Variants in GRID1 observed in about 807,000 individuals in gnomAD.
The protein encoded by GRID1 is glutamate receptor ionotropic, delta-1.
A neutral mutation model predicts 98.0 loss-of-function variants in GRID1; 28 were observed. That is an observed-to-expected ratio of 0.29 (90% CI 0.21 to 0.39). The LOEUF (loss-of-function observed/expected upper bound fraction) is 0.39. Among genes scored for constraint, GRID1 ranks in the 10% least tolerant of loss-of-function variants. The pLI is 1.00. For synonymous variants in GRID1, 553 were observed against 538.5 expected, an observed-to-expected ratio of 1.03 and a Z score of -0.37; for missense variants, 1,111 against 1,340.5, an observed-to-expected ratio of 0.83 and a Z score of 2.67.
intron 8 of GRID1, among the ~76,000 whole-genome samples, chr10:85,839,983 G>T (rs1321261283): frequency 6.6e-6 from 1 of 152,064 alleles, no homozygotes; most frequent in African/African-American, 2.4e-5. Flanking sequence ...ATATTTCTAG[G>T]CATATAAGCT....
At chr10:86,132,099 GT>G in intron 4 of GRID1, among the ~76,000 whole-genome samples, 1 of 152,316 alleles carries the variant, frequency 6.6e-6, no homozygotes, top group African/African-American at 2.4e-5. Flanking sequence ...TGACAGTGCT[GT>G]CATGGAGAGG....
intron 4 of GRID1, among the ~76,000 whole-genome samples, chr10:86,050,356 A>G (rs967764741): frequency 8.5e-5 from 13 of 152,246 alleles, no homozygotes; most frequent in African/African-American, 3.1e-4. Context: ...ATAATTTTAC[A>G]CATTTTAAAC....
intron 2 of GRID1, among the ~76,000 whole-genome samples, chr10:86,272,660 A>G (rs1847202818): frequency 6.6e-6 from 1 of 152,242 alleles, no homozygotes. Flanking sequence ...ATTGCAAAGC[A>G]AACTAACAAC....
chr10:86,316,365 GCAGCCCTGACTTGCAAGGGAACC>G (rs1847898457), intron 2 of GRID1, among the ~76,000 whole-genome samples: 1 of 152,286 alleles, frequency 6.6e-6, no homozygotes, highest in African/African-American at 2.4e-5. Flanking sequence ...CAGGGGCTTT[GCAGCCCTGACTTGCAAGGGAACC>G]CAGTCTAAGC....
chr10:85,902,533 T>A (rs2131816517), intron 5 of GRID1, among the ~76,000 whole-genome samples: 1 of 152,330 alleles, frequency 6.6e-6, no homozygotes, highest in Non-Finnish European at 1.5e-5. Context: ...ACAAACTATA[T>A]TACTGTTTCT....
At chr10:85,977,683 G>A (rs945967317) in intron 4 of GRID1, among the ~76,000 whole-genome samples, 3 of 152,164 alleles carry the variant, frequency 2.0e-5, no homozygotes, top group African/African-American at 7.2e-5. Context: ...CAGACACAAC[G>A]CAGTGGGCTG....
chr10:85,995,861 C>T (rs1042537331), intron 4 of GRID1, among the ~76,000 whole-genome samples: 3 of 152,286 alleles, frequency 2.0e-5, no homozygotes, highest in East Asian at 3.9e-4. Context: ...CTCTAACAAG[C>T]GGTTTATGAA....
chr10:85,637,482 C>G (rs1180315475), intron 13 of GRID1, among the ~76,000 whole-genome samples: 1 of 152,164 alleles, frequency 6.6e-6, no homozygotes, highest in Non-Finnish European at 1.5e-5. Flanking sequence ...AGCCCAAGAC[C>G]ATGGGAGGCA....
chr10:85,880,183 C>T (rs1840984647), intron 5 of GRID1, among the ~76,000 whole-genome samples: 2 of 152,132 alleles, frequency 1.3e-5, no homozygotes, highest in South Asian at 4.1e-4. Context: ...AGCCGAATTC[C>T]ACCACAGGTA....
chr10:86,199,428 A>T (rs1048952708), intron 3 of GRID1, among the ~76,000 whole-genome samples: 1 of 152,180 alleles, frequency 6.6e-6, no homozygotes, highest in African/African-American at 2.4e-5. Flanking sequence ...ATCTTTGTAC[A>T]TCAAGCAAAG....
At chr10:85,697,581 T>C (rs1179669193) in intron 12 of GRID1, among the ~76,000 whole-genome samples, 1 of 152,190 alleles carries the variant, frequency 6.6e-6, no homozygotes, top group Non-Finnish European at 1.5e-5. Flanking sequence ...TGTTCCTTTA[T>C]CATAACAGGG....
At chr10:85,845,581 C>T (rs1469311884) in intron 8 of GRID1, among the ~76,000 whole-genome samples, 2 of 152,122 alleles carry the variant, frequency 1.3e-5, no homozygotes, top group African/African-American at 4.8e-5. Flanking sequence ...TACAAAGAGT[C>T]AAGAATCACC....
In GRID1 at chr10:86,206,847, A is replaced by G. The variant is rs1846033407; in HGVS notation, c.236-199T>C. 6.6e-6 allele frequency among the ~76,000 whole-genome samples: 1 copy of G among 152,224 alleles called. No individual in the cohort carries two copies. Among genetic ancestry groups the G allele is most frequent in the Non-Finnish European group, 1.5e-5 (1 of 68,036 alleles). On this transcript the variant is annotated intron_variant, in intron 2 of 15. Transcript: ENST00000327946. This position sits in a 1 kb window ranked among gnomAD's most constrained non-coding sequence, Gnocchi z 4.1. ...CACTGACATCCTTGGTGAAAATGCC[A>G]GCTATACATTCTTGTACCCATTTAA...
intron 4 of GRID1, among the ~76,000 whole-genome samples, chr10:86,085,767 C>T (rs1400704808): frequency 3.9e-5 from 6 of 152,004 alleles, no homozygotes; most frequent in Admixed American, 6.5e-5. Flanking sequence ...GACATCAGTC[C>T]GAAGGTCCCT....
intron 4 of GRID1, among the ~76,000 whole-genome samples, chr10:86,010,160 T>C (rs923017060): frequency 6.6e-6 from 1 of 152,234 alleles, no homozygotes; most frequent in Non-Finnish European, 1.5e-5. Flanking sequence ...GGGCTTCTTA[T>C]GCAATTGACA....
intron 11 of GRID1, 69 bp from the exon 12 acceptor site, chr10:85,723,210 C>A (rs1331638904): frequency 6.8e-7 from 1 of 1,474,910 alleles, no homozygotes; most frequent in Non-Finnish European, 9.2e-7. Context: ...GGGAGGTGTT[C>A]TGCCCTGCAG....
chr10:86,008,294 T>A (rs1248385961), intron 4 of GRID1, among the ~76,000 whole-genome samples: 1 of 152,034 alleles, frequency 6.6e-6, no homozygotes, highest in Non-Finnish European at 1.5e-5. Flanking sequence ...GAAGGAGGGT[T>A]ATAGCCCTCT....
intron 8 of GRID1, among the ~76,000 whole-genome samples, chr10:85,761,491 T>TCAGAGTGCC (rs1159570989): frequency 6.6e-6 from 1 of 152,198 alleles, no homozygotes; most frequent in Non-Finnish European, 1.5e-5. Flanking sequence ...GTCACTGCTC[T>TCAGAGTGCC]CACAGTGCCC....
rs538488889 is a variant in GRID1, at chr10:85,819,054, T to TA, written c.1233+35441dup. 1.1e-4 allele frequency among the ~76,000 whole-genome samples: 17 copies of TA among 151,980 alleles called. No individual in the cohort carries two copies. In the East Asian group the frequency reaches 2.7e-3, roughly 24 times the overall value. ...TTTGATTATAACTCAAAGATTGGCA[T>TA]AAAAAAATCCATGAGTTCATACTGA... On this transcript the variant is annotated intron_variant, in intron 8 of 15. Transcript: ENST00000327946.
Sources: gnomAD v4.1 joint callset for allele counts (sites outside exome capture counted in the v4.1 genomes callset) on GRCh38, gnomAD v4.1.1 for gene constraint, Gnocchi (gnomAD v3.1) non-coding constraint, MANE v1.5 for transcripts, NCBI Gene and HGNC (gene_info 2026-07-23, HGNC 2026-07-21) for gene names.